ERCC2: variants seen among roughly 807,000 people sequenced by gnomAD.
The protein encoded by ERCC2 is general transcription and DNA repair factor IIH helicase subunit XPD.
A neutral mutation model predicts 99.4 loss-of-function variants in ERCC2; 90 were observed. That is an observed-to-expected ratio of 0.91 (90% CI 0.76 to 1.08). The LOEUF is 1.08. Ranked by LOEUF, ERCC2 falls within the 50% of genes least tolerant of loss-of-function variation. The probability of loss-of-function intolerance (pLI) is 0.00; values close to 1 mark genes in which losing one functional copy is unlikely to be tolerated. For synonymous variants in ERCC2, 497 were observed against 432.4 expected (o/e 1.15, Z -1.85); for missense variants, 993 against 1,038.1 (o/e 0.96, Z 0.60).
At chr19:45,352,062 C>T (rs1971816742) in intron 22 of ERCC2, 147 bp downstream of exon 22, 2 of 975,906 alleles carry the variant, frequency 2.0e-6, no homozygotes, top group Admixed American at 2.0e-5. Flanking sequence ...CCCCCCAGAG[C>T]CTGGCACGTA....
rs920062715 is a variant in ERCC2, at chr19:45,363,769, G to C, written c.1092C>G (p.Arg364=). The C allele has an allele frequency of 6.5e-7, 1 of 1,536,902 alleles. No homozygotes were observed. Among genetic ancestry groups the C allele is most frequent in the Non-Finnish European group, 8.7e-7 (1 of 1,147,848 alleles). Residue 364 remains arginine, a synonymous_variant, in exon 11 of 23, where the codon CGC becomes CGG. Transcript: ENST00000391945. ...TGAGGGGCTTGCGCTGGATGCACACGCGCTGGGCCAGGCCGCTCAGGAAGG... is the reference window on the plus strand; with the variant it reads ...TGAGGGGCTTGCGCTGGATGCACACCCGCTGGGCCAGGCCGCTCAGGAAGG... ...PPAFLSGLAQ[R]VCIQRKPLRF...
chr19:45,352,596 AAG>A lies in ERCC2; in HGVS notation c.1954_1955del (p.Leu652TyrfsTer121). 8 of 1,614,008 alleles carry A rather than the reference AAG, an allele frequency of 5.0e-6. No individual in the cohort carries two copies. The highest frequency in any genetic ancestry group is 6.8e-6 in the Non-Finnish European group (8 of 1,180,002). ...CCGCGTGGCGCATGGCATCGAAGGT[AAG>A]AAAGTCATTCTCACGAATCTGGAAC... ...DQFQIRENDF[L>X]TFDAMRHAAQ... On this transcript the variant is annotated frameshift_variant, in exon 21 of 23. Coordinates refer to ENST00000391945, the MANE Select transcript of ERCC2 (RefSeq NM_000400.4). LOFTEE classifies it high-confidence loss of function.
intron 11 of ERCC2, chr19:45,362,011 C>T (rs1262997925): frequency 7.9e-6 from 2 of 252,512 alleles, no homozygotes; most frequent in East Asian, 2.0e-4. Context: ...ATCTCGACTC[C>T]GCCTCCTGGG....
At chr19:45,356,573 G>A (rs1221216098) in intron 15 of ERCC2, among the ~76,000 whole-genome samples, 1 of 152,198 alleles carries the variant, frequency 6.6e-6, no homozygotes, top group East Asian at 1.9e-4. Context: ...ACTTCGGGAG[G>A]ACCAGGCGGG....
intron 17 of ERCC2, 93 bp downstream of exon 17, chr19:45,354,637 C>T (rs1599728811): frequency 3.9e-6 from 6 of 1,542,332 alleles, no homozygotes; most frequent in Non-Finnish European, 3.6e-6. Context: ...GGAAACCTGT[C>T]ACCATCAGAG....
chr19:45,353,368 C>T, intron 17 of ERCC2, 34 bp from the exon 18 acceptor site: 2 of 1,467,844 alleles, frequency 1.4e-6, no homozygotes, highest in Non-Finnish European at 1.9e-6. Context: ...AGGGTGGGTT[C>T]AGGGCACAGC....
intron 5 of ERCC2, 132 bp downstream of exon 5, chr19:45,368,498 A>G (rs1008770220): frequency 5.5e-6 from 4 of 721,200 alleles, no homozygotes; most frequent in African/African-American, 5.2e-5. Flanking sequence ...TTGACCACTG[A>G]GACGGGAATT....
chr19:45,350,405 A>C lies in ERCC2; in HGVS notation c.*1224T>G. 1 of 1,613,154 alleles carries C rather than the reference A, an allele frequency of 6.2e-7. No individual in the cohort carries two copies. Among genetic ancestry groups the C allele is most frequent in the Non-Finnish European group, 8.5e-7 (1 of 1,179,708 alleles). ...GAAGAGCTGTACAAAGAAATCCTCC[A>C]CAAGGAGGACCTACCCGCCCCTCTC... On this transcript the variant is annotated 3_prime_UTR_variant, in exon 23 of 23. Transcript: ENST00000391945.
At position 45,351,456 on chromosome 19, in the gene ERCC2, G is replaced by T; in HGVS notation, c.*173C>A. ...GTCTATCATCTCCTGGCCCCCCCTT[G>T]CCTCTGGGTACCTGGTGGATAGCTG... is the stretch of plus-strand genomic sequence containing the variant. On this transcript the variant is annotated 3_prime_UTR_variant, in exon 23 of 23. Transcript: ENST00000391945. 6.3e-7 allele frequency: 1 copy of T among 1,582,854 alleles called. No homozygotes were observed. The highest frequency in any genetic ancestry group is 8.6e-7 in the Non-Finnish European group (1 of 1,168,172).
chr19:45,361,041 G>A (rs1299675812), intron 12 of ERCC2, among the ~76,000 whole-genome samples: 2 of 151,338 alleles, frequency 1.3e-5, no homozygotes, highest in Admixed American at 1.3e-4. Context: ...TGAGGCAGGA[G>A]AATTGCTTGA....
At chr19:45,351,976 T>G (rs963137812) in intron 22 of ERCC2, among the ~76,000 whole-genome samples, 2 of 152,156 alleles carry the variant, frequency 1.3e-5, no homozygotes, top group African/African-American at 4.8e-5. Flanking sequence ...GCCCAATGCC[T>G]CCTCACCCCA....
Position 45,361,601 on chromosome 19 carries a change from T to G in ERCC2, c.1160A>C (p.Glu387Ala). The stretch of plus-strand genomic sequence containing the variant: ...GGAGAAGTCAGCAAGGTCGGTGATC[T>G]CCAGAGTATGCAGCAGGGACCGGAG... The part of the protein sequence containing the change: ...ERLRSLLHTL[E>A]ITDLADFSPL... The change falls in exon 12 of 23, where the codon GAG (glutamate) becomes GCG (alanine). Residue 387 changes from glutamate to alanine, a missense_variant. Coordinates refer to ENST00000391945, the MANE Select transcript of ERCC2 (RefSeq NM_000400.4). 1.2e-6 allele frequency: 2 copies of G among 1,613,942 alleles called. No homozygotes were observed. Among genetic ancestry groups the G allele is most frequent in the Non-Finnish European group, 1.7e-6 (2 of 1,179,892 alleles).
chr19:45,353,759 T>G (rs913102880), intron 17 of ERCC2, among the ~76,000 whole-genome samples: 2 of 152,042 alleles, frequency 1.3e-5, no homozygotes, highest in Non-Finnish European at 2.9e-5. Context: ...TGCAGTTCAG[T>G]GGGGAGAGCT....
Position 45,350,230 on chromosome 19 carries a change from T to A in ERCC2, c.*1399A>T. ...TGAGGCTAGGAGTTCAAGACCAGCC[T>A]GGGCAACATACCAAGACCCCTGTCT... On this transcript the variant is annotated 3_prime_UTR_variant, in exon 23 of 23. Coordinates refer to ENST00000391945, the MANE Select transcript of ERCC2 (RefSeq NM_000400.4). 1 of 771,028 alleles carries A rather than the reference T, an allele frequency of 1.3e-6. No homozygotes were observed. The highest frequency in any genetic ancestry group is 2.1e-6 in the Non-Finnish European group (1 of 480,856). 47.8% of individuals were successfully genotyped at this position (771,028 alleles called of 1,614,324 possible).
In ERCC2 at chr19:45,351,614, C is replaced by A; in HGVS notation, c.*15G>T. On this transcript the variant is annotated 3_prime_UTR_variant, in exon 23 of 23. Coordinates refer to ENST00000391945, the MANE Select transcript of ERCC2 (RefSeq NM_000400.4). ...AGGAGTCACCAGGAACCGTTTATGG[C>A]CCCACCCGCCCCACTCAGAGCTGCT... is the stretch of plus-strand genomic sequence containing the variant. The A allele has an allele frequency of 1.2e-6, 2 of 1,613,158 alleles. No individual in the cohort carries two copies. Among genetic ancestry groups the A allele is most frequent in the African/African-American group, 1.3e-5 (1 of 75,038 alleles).
chr19:45,359,746 C>G (rs1211202335), intron 12 of ERCC2, among the ~76,000 whole-genome samples: 3 of 152,116 alleles, frequency 2.0e-5, no homozygotes, highest in Non-Finnish European at 4.4e-5. Flanking sequence ...GCCTGCCACC[C>G]AGTCTCCTGC....
intron 12 of ERCC2, chr19:45,358,799 T>C: frequency 2.6e-6 from 2 of 779,978 alleles, no homozygotes; most frequent in East Asian, 4.8e-5. Flanking sequence ...AATTATTTCC[T>C]TGTTTATTTG....
intron 1 of ERCC2, 38 bp downstream of exon 1, chr19:45,370,497 GC>G: frequency 1.0e-6 from 1 of 990,264 alleles, no homozygotes. Context: ...AAGACCCCCC[GC>G]GCCCGCTAGC....
chr19:45,354,424 A>C (rs1971940682), intron 17 of ERCC2, among the ~76,000 whole-genome samples: 1 of 152,212 alleles, frequency 6.6e-6, no homozygotes, highest in African/African-American at 2.4e-5. Flanking sequence ...GGAGGATAAC[A>C]GGGATGGGTA....
Sources: gnomAD v4.1 joint callset for allele counts (sites outside exome capture counted in the v4.1 genomes callset) on GRCh38, gnomAD v4.1.1 for gene constraint, MANE v1.5 for transcripts, NCBI Gene and HGNC (gene_info 2026-07-23, HGNC 2026-07-21) for gene names.